CTNNA3: variants seen among roughly 807,000 people sequenced by gnomAD.
CTNNA3 encodes the protein catenin alpha 3, also known as catenin alpha-3.
Under a neutral mutation model 95.7 loss-of-function variants are expected in CTNNA3, and 76 were observed. The observed-to-expected ratio is 0.79, with a 90% CI of 0.66 to 0.96. The LOEUF (loss-of-function observed/expected upper bound fraction) is 0.96. Among genes scored for constraint, CTNNA3 ranks in the 40% least tolerant of loss-of-function variants. CTNNA3 has a pLI of 0.00. For synonymous variants in CTNNA3, 431 were observed against 374.4 expected (o/e 1.15, Z -1.74); for missense variants, 1,191 against 1,089.8 (o/e 1.09, Z -1.31).
intron 5 of CTNNA3, among the ~76,000 whole-genome samples, chr10:67,268,525 A>G (rs1235446286): frequency 2.6e-5 from 4 of 152,000 alleles, no homozygotes; most frequent in Admixed American, 6.6e-5. Context: ...GAACAAACAA[A>G]CAAAAAAGCT....
At chr10:66,065,328 G>T (rs2080292873) in intron 15 of CTNNA3, among the ~76,000 whole-genome samples, 1 of 147,168 alleles carries the variant, frequency 6.8e-6, no homozygotes, top group African/African-American at 2.5e-5. Context: ...ATTTCATTCT[G>T]TCCCTCCCCA....
chr10:66,583,022 C>A (rs1345921902), intron 10 of CTNNA3, among the ~76,000 whole-genome samples: 1 of 151,696 alleles, frequency 6.6e-6, no homozygotes, highest in Non-Finnish European at 1.5e-5. Context: ...TTTTGATGCG[C>A]TGTTGGATTT....
chr10:66,012,166 T>C (rs1225418989), intron 15 of CTNNA3, among the ~76,000 whole-genome samples: 2 of 152,140 alleles, frequency 1.3e-5, no homozygotes, highest in Admixed American at 6.5e-5. Context: ...TCCATAAGGC[T>C]TGAAATCAAA....
At chr10:66,167,198 T>C (rs1462602020) in intron 13 of CTNNA3, among the ~76,000 whole-genome samples, 1 of 152,086 alleles carries the variant, frequency 6.6e-6, no homozygotes, top group Non-Finnish European at 1.5e-5. Context: ...AGAGATTAAG[T>C]GTGATAAAAT....
At chr10:67,685,922 CCTT>C (rs1416191242) in intron 1 of CTNNA3, among the ~76,000 whole-genome samples, 3 of 152,114 alleles carry the variant, frequency 2.0e-5, no homozygotes, top group Admixed American at 6.6e-5. Flanking sequence ...TCCTCTGTCT[CCTT>C]CTCTTTGTCT....
At chr10:66,310,808 C>G (rs1416020859) in intron 12 of CTNNA3, among the ~76,000 whole-genome samples, 1 of 151,762 alleles carries the variant, frequency 6.6e-6, no homozygotes, top group African/African-American at 2.4e-5. Flanking sequence ...CTCAGCCTCC[C>G]AAGTAGCTGG....
chr10:66,154,808 T>C (rs889980893), intron 13 of CTNNA3, among the ~76,000 whole-genome samples: 1 of 147,754 alleles, frequency 6.8e-6, no homozygotes, highest in Non-Finnish European at 1.5e-5. Context: ...TAACACTCAC[T>C]AGAAAGCAAT....
At chr10:66,263,094 A>G (rs556854632) in intron 13 of CTNNA3, among the ~76,000 whole-genome samples, 11 of 152,178 alleles carry the variant, frequency 7.2e-5, no homozygotes, top group Non-Finnish European at 1.6e-4. Context: ...CGGTTGGAAG[A>G]GGAAACACAG....
chr10:67,405,321 A>G (rs973970815), intron 5 of CTNNA3, among the ~76,000 whole-genome samples: 1 of 152,208 alleles, frequency 6.6e-6, no homozygotes, highest in Non-Finnish European at 1.5e-5. Context: ...AAAAACATAC[A>G]CAGGCTAAAA....
chr10:66,184,994 C>T (rs1176419671), intron 13 of CTNNA3, among the ~76,000 whole-genome samples: 2 of 152,110 alleles, frequency 1.3e-5, no homozygotes, highest in Middle Eastern at 3.2e-3. Context: ...TATTTTTGTA[C>T]GGCCTTGCTC....
chr10:66,331,163 T>C (rs886465597), intron 12 of CTNNA3, among the ~76,000 whole-genome samples: 41 of 151,930 alleles, frequency 2.7e-4, no homozygotes, highest in African/African-American at 9.7e-4. Context: ...CTGAATGGTA[T>C]TGCCTAGGTT....
At chr10:66,579,541 A>T (rs929398115) in intron 10 of CTNNA3, among the ~76,000 whole-genome samples, 1 of 151,762 alleles carries the variant, frequency 6.6e-6, no homozygotes, top group African/African-American at 2.4e-5. Context: ...TATTGTTTTT[A>T]TCACTTGGTT....
intron 14 of CTNNA3, among the ~76,000 whole-genome samples, chr10:66,087,938 A>G (rs543061324): frequency 7.2e-5 from 11 of 152,228 alleles, no homozygotes; most frequent in African/African-American, 2.6e-4. Context: ...TTCGTCTTAC[A>G]GTGGGCTTTA....
chr10:66,441,131 G>A lies in CTNNA3; in HGVS notation c.1532-61779C>T, dbSNP rs193254969. ...GAGCATTGTTTGAGGCCAGGAGTTT[G>A]AGACCAGACTTAGCAACACAGCAAG... On this transcript the variant is annotated intron_variant, in intron 11 of 17. Coordinates refer to ENST00000433211, the MANE Select transcript of CTNNA3 (RefSeq NM_013266.4). Among the ~76,000 whole-genome samples, 367 of 152,230 alleles carry A rather than the reference G, an allele frequency of 2.4e-3. 1 individual carries two copies. Among genetic ancestry groups the A allele is most frequent in the African/African-American group, 8.5e-3 (353 of 41,520 alleles).
chr10:66,494,298 C>G (rs1840031059), intron 11 of CTNNA3, among the ~76,000 whole-genome samples: 1 of 152,096 alleles, frequency 6.6e-6, no homozygotes, highest in Non-Finnish European at 1.5e-5. Context: ...TTTAAAAATC[C>G]AGAAAAGAAA....
At chr10:67,000,156 T>C (rs1173406801) in intron 7 of CTNNA3, among the ~76,000 whole-genome samples, 8 of 152,306 alleles carry the variant, frequency 5.3e-5, no homozygotes, top group Middle Eastern at 3.4e-3. Flanking sequence ...CTAGATCTGG[T>C]TTCCTGAAGA....
chr10:67,234,086 A>G (rs890583679), intron 5 of CTNNA3, among the ~76,000 whole-genome samples: 4 of 152,194 alleles, frequency 2.6e-5, no homozygotes, highest in Non-Finnish European at 5.9e-5. Flanking sequence ...CAAGAGGTAC[A>G]AGGAGGAACT....
upstream of CTNNA3, among the ~76,000 whole-genome samples, chr10:67,699,151 C>T (rs928587295): frequency 6.6e-6 from 1 of 152,154 alleles, no homozygotes; most frequent in African/African-American, 2.4e-5. Flanking sequence ...GCATTATCAC[C>T]CTTTCTCCAA....
intron 11 of CTNNA3, among the ~76,000 whole-genome samples, chr10:66,451,258 C>G (rs1378498222): frequency 6.6e-6 from 1 of 152,102 alleles, no homozygotes; most frequent in Non-Finnish European, 1.5e-5. Context: ...ATTTAGTGAA[C>G]AGTTACTATG....
Sources: gnomAD v4.1 joint callset for allele counts (sites outside exome capture counted in the v4.1 genomes callset) on GRCh38, gnomAD v4.1.1 for gene constraint, MANE v1.5 for transcripts, NCBI Gene and HGNC (gene_info 2026-07-23, HGNC 2026-07-21) for gene names.